Variants in ECE1 observed in about 807,000 individuals in gnomAD.
ECE1 encodes endothelin converting enzyme 1.
In ECE1, 35 loss-of-function variants were observed where a neutral mutation model predicts 98.6. That is an observed-to-expected ratio of 0.35 (90% CI 0.27 to 0.47). The LOEUF (loss-of-function observed/expected upper bound fraction) is 0.47. Among genes scored for constraint, ECE1 ranks in the 20% least tolerant of loss-of-function variants. The pLI is 1.00. For synonymous variants in ECE1, 394 were observed against 407.1 expected (o/e 0.97, Z 0.39); for missense variants, 814 against 1,025.3 (o/e 0.79, Z 2.81).
chr1:21,237,092 T>G (rs1306858543), intron 11 of ECE1, among the ~76,000 whole-genome samples: 1 of 152,004 alleles, frequency 6.6e-6, no homozygotes, highest in African/African-American at 2.4e-5. Flanking sequence ...TTCGGGAAAG[T>G]TGGAAAAGTC....
At position 21,258,819 on chromosome 1, in the gene ECE1, T is replaced by A. The variant is rs746302410; in HGVS notation, c.636A>T (p.Thr212=). The change falls in exon 6 of 19, where the codon ACA becomes ACT. Residue 212 remains threonine (T), a synonymous_variant. Coordinates refer to ENST00000374893, the MANE Select transcript of ECE1 (RefSeq NM_001397.3). The surrounding 1 kb of genome is among the most constrained non-coding windows in gnomAD (Gnocchi z 4.2). ...GGAAGTTGTCCTTGGCCCAGGGACC[T>A]GTGATGTTCCAGCCCCCGAGCTGTG... is the stretch of plus-strand genomic sequence containing the variant. ...LIERLGGWNI[T]GPWAKDNFQD... 5.0e-6 allele frequency: 8 copies of A among 1,613,986 alleles called. No homozygotes were observed. The highest frequency in any genetic ancestry group is 6.8e-6 in the Non-Finnish European group (8 of 1,180,016).
In ECE1 at chr1:21,258,103, C is replaced by T. The variant is rs1279111564; in HGVS notation, c.763-513G>A. On this transcript the variant is annotated intron_variant, in intron 6 of 18. Coordinates refer to ENST00000374893, the MANE Select transcript of ECE1 (RefSeq NM_001397.3). The surrounding 1 kb of genome is among the most constrained non-coding windows in gnomAD (Gnocchi z 4.2). ...TTGCTACTATTGGCACCCATGGCCA[C>T]ATCTTGGCATACCTAGGACAGGTGT... 6.6e-6 allele frequency among the ~76,000 whole-genome samples: 1 copy of T among 152,230 alleles called. No homozygotes were observed. The highest frequency in any genetic ancestry group is 1.5e-5 in the Non-Finnish European group (1 of 68,052).
intron 4 of ECE1, among the ~76,000 whole-genome samples, chr1:21,269,384 C>T (rs1284829917): frequency 1.3e-5 from 2 of 152,324 alleles, no homozygotes; most frequent in East Asian, 1.9e-4. Context: ...TCCTTCCTGA[C>T]AACTGGGTCC....
At chr1:21,312,514 G>A (rs1638751198) in intron 1 of ECE1, among the ~76,000 whole-genome samples, 1 of 152,176 alleles carries the variant, frequency 6.6e-6, no homozygotes, top group African/African-American at 2.4e-5. Flanking sequence ...CACTCAGGAG[G>A]CTGAGGCAGG....
At chr1:21,224,075 C>T (rs2098170772) in intron 17 of ECE1, among the ~76,000 whole-genome samples, 2 of 152,304 alleles carry the variant, frequency 1.3e-5, no homozygotes, top group East Asian at 3.9e-4. Flanking sequence ...TTCTTCCCAT[C>T]CTTGGACGTG....
intron 1 of ECE1, among the ~76,000 whole-genome samples, chr1:21,324,211 C>T (rs1639027650): frequency 1.3e-5 from 2 of 152,130 alleles, no homozygotes; most frequent in Admixed American, 1.3e-4. Context: ...GACCATAGCT[C>T]ATGCAGCCTT....
chr1:21,247,553 G>C lies in ECE1; in HGVS notation c.1021-190C>G, dbSNP rs567605001. Among the ~76,000 whole-genome samples the C allele has an allele frequency of 2.0e-5, 3 of 152,318 alleles. No individual in the cohort carries two copies. The East Asian group carries it at 5.8e-4, about 29-fold the overall frequency. On this transcript the variant is annotated intron_variant, in intron 8 of 18. Coordinates refer to ENST00000374893, the MANE Select transcript of ECE1 (RefSeq NM_001397.3). The stretch of plus-strand genomic sequence containing the variant: ...GATGCTGTAGGTAGAATTCTAAGGA[G>C]TCCAACACCAAAATTTAACCTGAAA...
At chr1:21,265,799 T>G (rs1213381563) in intron 4 of ECE1, among the ~76,000 whole-genome samples, 1 of 152,152 alleles carries the variant, frequency 6.6e-6, no homozygotes, top group Non-Finnish European at 1.5e-5. Context: ...CCCAGAAGAT[T>G]TCATGGAGGC....
chr1:21,339,007 C>T (rs1055006111), intron 1 of ECE1, among the ~76,000 whole-genome samples: 1 of 151,920 alleles, frequency 6.6e-6, no homozygotes, highest in African/African-American at 2.4e-5. Context: ...GCTTAGAGGG[C>T]TATGTGGTCA....
intron 17 of ECE1, among the ~76,000 whole-genome samples, chr1:21,223,646 A>G (rs1385918827): frequency 6.6e-6 from 1 of 151,268 alleles, no homozygotes; most frequent in Non-Finnish European, 1.5e-5. Context: ...TTGTATTTTT[A>G]GTAGAGACGG....
rs551242194 is a variant in ECE1 at position 21,277,958 on chromosome 1, C to T, written c.280+1233G>A. On this transcript the variant is annotated intron_variant, in intron 3 of 18. Transcript: ENST00000374893. ...ATGAAGGCCCTGCTCTTTTCTAGGC[C>T]CCTGAGTCCCCTCCCCACCCCAGCG... 2.0e-5 allele frequency among the ~76,000 whole-genome samples: 3 copies of T among 152,252 alleles called. No homozygotes were observed. In the East Asian group the frequency reaches 5.8e-4, roughly 29 times the overall value.
Position 21,225,209 on chromosome 1 carries a change from C to G in ECE1, c.2040+41G>C. On this transcript the variant is annotated intron_variant, in intron 17 of 18. Coordinates refer to ENST00000374893, the MANE Select transcript of ECE1 (RefSeq NM_001397.3). The surrounding 1 kb of genome is among the most constrained non-coding windows in gnomAD (Gnocchi z 5.3). ...CTACGGACAGGCATCTGGAAGGAGC[C>G]AGCACTGGGACCGTGCGCGTGTGGG... 1 of 1,608,894 alleles carries G rather than the reference C, an allele frequency of 6.2e-7. No individual in the cohort carries two copies. Among genetic ancestry groups the G allele is most frequent in the Non-Finnish European group, 8.5e-7 (1 of 1,177,146 alleles).
In ECE1 at chr1:21,303,940, C is replaced by T. The variant is rs540106523; in HGVS notation, c.4-13784G>A. Among the ~76,000 whole-genome samples the T allele has an allele frequency of 1.0e-3, 153 of 151,748 alleles. 1 individual carries two copies. The highest frequency in any genetic ancestry group is 4.4e-4 in the Non-Finnish European group (30 of 67,944). ...TGTTGGGATTACAGGCATGAGTCAC[C>T]GTGCCTGGCTTAGAAAAGTTTTTGA... is the stretch of plus-strand genomic sequence containing the variant. On this transcript the variant is annotated intron_variant, in intron 1 of 18. Coordinates refer to the ECE1 transcript ENST00000415912.
At chr1:21,296,320 G>GTA (rs1221670040) in intron 1 of ECE1, among the ~76,000 whole-genome samples, 7 of 151,952 alleles carry the variant, frequency 4.6e-5, no homozygotes, top group African/African-American at 1.7e-4. Context: ...ACCAACCTGG[G>GTA]TAACACAGTG....
intron 4 of ECE1, among the ~76,000 whole-genome samples, chr1:21,265,562 C>A (rs914207708): frequency 3.0e-4 from 46 of 152,076 alleles, no homozygotes; most frequent in African/African-American, 1.1e-3. Flanking sequence ...AAATCAGGCA[C>A]AGACCTTTTT....
chr1:21,300,272 A>G (rs1638454992), intron 1 of ECE1, among the ~76,000 whole-genome samples: 1 of 152,206 alleles, frequency 6.6e-6, no homozygotes, highest in Non-Finnish European at 1.5e-5. Context: ...GAAGAACACC[A>G]GGCTTGGAGT....
chr1:21,324,077 C>T (rs1369975596), intron 1 of ECE1, among the ~76,000 whole-genome samples: 1 of 152,118 alleles, frequency 6.6e-6, no homozygotes, highest in African/African-American at 2.4e-5. Context: ...CTGCCTCAGC[C>T]TCCCAAAGTG....
intron 4 of ECE1, among the ~76,000 whole-genome samples, chr1:21,269,150 C>G (rs1485384945): frequency 6.6e-6 from 1 of 152,234 alleles, no homozygotes; most frequent in Admixed American, 6.5e-5. Flanking sequence ...CCTCTCCCTG[C>G]TGAATCTGAC....
intron 2 of ECE1, among the ~76,000 whole-genome samples, chr1:21,287,383 G>A (rs761904617): frequency 6.6e-5 from 10 of 152,264 alleles, no homozygotes; most frequent in East Asian, 3.9e-4. Flanking sequence ...AGTATTAGCC[G>A]AGCGTGGTGA....
Sources: allele counts gnomAD v4.1 joint callset (sites outside exome capture counted in the v4.1 genomes callset), GRCh38; gene constraint gnomAD v4.1.1; non-coding constraint Gnocchi (gnomAD v3.1); transcripts MANE v1.5; gene names NCBI Gene and HGNC (gene_info 2026-07-23, HGNC 2026-07-21).